The following BRIP1 variants were observed in gnomAD, a reference collection of about 807,000 sequenced individuals.
BRIP1 encodes BRCA1 interacting DNA helicase 1.
Under a neutral mutation model 119.7 loss-of-function variants are expected in BRIP1, and 88 were observed. The observed-to-expected ratio is 0.74, with a 90% confidence interval of 0.62 to 0.88. The LOEUF (loss-of-function observed/expected upper bound fraction) is 0.88, where lower values mean the gene tolerates loss of function less well. Among genes scored for constraint, BRIP1 ranks in the 40% least tolerant of loss-of-function variants. The probability of loss-of-function intolerance (pLI) is 0.00; values close to 1 mark genes in which losing one functional copy is unlikely to be tolerated. For synonymous variants in BRIP1, 443 were observed against 496.5 expected (o/e 0.89, Z 1.43); for missense variants, 1,259 against 1,455.4 (o/e 0.87, Z 2.20).
Position 61,689,570 on chromosome 17 carries a change from C to T in BRIP1, c.2576-3405G>A, listed in dbSNP as rs1260182147. ...GGGGGAGGAAAATGACATCCAAATA[C>T]ATGAAGCCCAGTGAACCTGAACAGG... On this transcript the variant is annotated intron_variant, in intron 18 of 19. Coordinates refer to ENST00000259008, the MANE Select transcript of BRIP1 (RefSeq NM_032043.3). The surrounding 1 kb of genome is among the most constrained non-coding windows in gnomAD (Gnocchi z 4.5). Among the ~76,000 whole-genome samples the T allele has an allele frequency of 6.6e-6, 1 of 152,086 alleles. No homozygotes were observed. The highest frequency in any genetic ancestry group is 1.5e-5 in the Non-Finnish European group (1 of 68,006).
In BRIP1 at chr17:61,693,420, G is replaced by A. The variant is rs1060504322; in HGVS notation, c.2575+10C>T. On this transcript the variant is annotated intron_variant, in intron 18 of 19. Coordinates refer to ENST00000259008, the MANE Select transcript of BRIP1 (RefSeq NM_032043.3). This position sits in a 1 kb window ranked among gnomAD's most constrained non-coding sequence, Gnocchi z 4.2. ...ACTAGTTTTTACTCTAAGCCCAGCT[G>A]AGATCTTACCAGATATATAGCGACT... 6.2e-7 allele frequency: 1 copy of A among 1,606,746 alleles called. No individual in the cohort carries two copies. The highest frequency in any genetic ancestry group is 8.5e-7 in the Non-Finnish European group (1 of 1,173,344).
chr17:61,747,197 A>G (rs2077069167), intron 14 of BRIP1, among the ~76,000 whole-genome samples: 1 of 152,170 alleles, frequency 6.6e-6, no homozygotes, highest in South Asian at 2.1e-4. Context: ...TACTAAGAGG[A>G]AAGTTTATAG....
rs1479811114 is a variant in BRIP1 at position 61,758,245 on chromosome 17, C to T, written c.2098-13654G>A. Among the ~76,000 whole-genome samples the T allele has an allele frequency of 2.0e-5, 3 of 152,162 alleles. No homozygotes were observed. Among genetic ancestry groups the T allele is most frequent in the African/African-American group, 7.2e-5 (3 of 41,448 alleles). On this transcript the variant is annotated intron_variant, in intron 14 of 19. Transcript: ENST00000259008. This position sits in a 1 kb window ranked among gnomAD's most constrained non-coding sequence, Gnocchi z 5.3. ...AAATCTGAATGTATAAACTTATTCA[C>T]ACAAATTCAACTATATGTTTCATTC...
Position 61,687,127 on chromosome 17 carries a change from C to T in BRIP1, c.2576-962G>A, listed in dbSNP as rs1295730745. On this transcript the variant is annotated intron_variant, in intron 18 of 19. Transcript: ENST00000259008. This position sits in a 1 kb window ranked among gnomAD's most constrained non-coding sequence, Gnocchi z 5.1. ...TGGTGGCTCACATGTATAATCCCAG[C>T]ATTTGGGGAGGCTGAGGTGGGAAGA... 6.6e-6 allele frequency among the ~76,000 whole-genome samples: 1 copy of T among 152,002 alleles called. No homozygotes were observed. The highest frequency in any genetic ancestry group is 1.5e-5 in the Non-Finnish European group (1 of 68,004).
Position 61,746,767 on chromosome 17 carries a change from A to G in BRIP1, c.2098-2176T>C, listed in dbSNP as rs1008963744. On this transcript the variant is annotated intron_variant, in intron 14 of 19. Transcript: ENST00000259008. This position sits in a 1 kb window ranked among gnomAD's most constrained non-coding sequence, Gnocchi z 4.9. ...TAGGAAAGTCATATATCTAACCTTC[A>G]GTAATGAATAAAACATCCAAACAGA... Among the ~76,000 whole-genome samples, 1 of 152,150 alleles carries G rather than the reference A, an allele frequency of 6.6e-6. No homozygotes were observed. Among genetic ancestry groups the G allele is most frequent in the Non-Finnish European group, 1.5e-5 (1 of 67,984 alleles).
intron 6 of BRIP1, among the ~76,000 whole-genome samples, chr17:61,817,798 C>G (rs988749326): frequency 6.6e-6 from 1 of 152,106 alleles, no homozygotes; most frequent in East Asian, 1.9e-4. Flanking sequence ...GTGAGAAATT[C>G]TCTTCGTAAA....
At chr17:61,833,670 C>CA (rs34789764) in intron 6 of BRIP1, among the ~76,000 whole-genome samples, 16,839 of 120,984 alleles carry the variant, frequency 0.14, 1,367 homozygotes, top group Middle Eastern at 0.31. Flanking sequence ...GACTCCACCT[C>CA]AAAAAAAAAA....
rs2077594670 is a variant in BRIP1 at position 61,780,284 on chromosome 17, T to C, written c.1912A>G (p.Asn638Asp). Residue 638 changes from asparagine to aspartate, a missense_variant, in exon 13 of 20, where the codon AAT (asparagine) becomes GAT (aspartate). Physicochemically the swap from Asn to Asp is conservative, Grantham distance 23. Around this residue, in one of 3 missense-constraint regions of BRIP1, gnomAD observed 753 missense variants for 891.8 expected, o/e 0.84. Transcript: ENST00000259008. The surrounding 1 kb of genome is among the most constrained non-coding windows in gnomAD (Gnocchi z 5.4). Reference sequence around the variant, plus strand: ...ACCTGTGAATTTTTAATGATATGATTAGCCTCCAGCTGGATAGTAAATGTA... The same window carrying C: ...ACCTGTGAATTTTTAATGATATGATCAGCCTCCAGCTGGATAGTAAATGTA... Reference protein sequence around the residue: ...GVTFTIQLEANHIIKNSQVWV... With the variant: ...GVTFTIQLEADHIIKNSQVWV... 1.2e-6 allele frequency: 2 copies of C among 1,613,478 alleles called. No homozygotes were observed. The highest frequency in any genetic ancestry group is 2.2e-5 in the South Asian group (2 of 90,994).
Position 61,730,378 on chromosome 17 carries a change from G to T in BRIP1, c.2379+12635C>A, listed in dbSNP as rs142011095. 6.6e-6 allele frequency among the ~76,000 whole-genome samples: 1 copy of T among 152,136 alleles called. No homozygotes were observed. The highest frequency in any genetic ancestry group is 2.4e-5 in the African/African-American group (1 of 41,532). On this transcript the variant is annotated intron_variant, in intron 16 of 19. Coordinates refer to ENST00000259008, the MANE Select transcript of BRIP1 (RefSeq NM_032043.3). The surrounding 1 kb of genome is among the most constrained non-coding windows in gnomAD (Gnocchi z 4.3). ...TTCACAACTAAAATTCTCCTCAAAAGAAAAAAATTAGTTATTTTCAGAGAA... is the reference window on the plus strand; with the variant it reads ...TTCACAACTAAAATTCTCCTCAAAATAAAAAAATTAGTTATTTTCAGAGAA...
Position 61,744,625 on chromosome 17 carries a change from G to A in BRIP1, c.2098-34C>T, listed in dbSNP as rs753160906. 4 of 1,586,352 alleles carry A rather than the reference G, an allele frequency of 2.5e-6. No homozygotes were observed. The highest frequency in any genetic ancestry group is 2.2e-5 in the East Asian group (1 of 44,646). ...GGGAAAGAAAAAAATGATTTTTTGT[G>A]TGTCTAGCTAAACAAACTTAACTTC... On this transcript the variant is annotated intron_variant, in intron 14 of 19. Coordinates refer to ENST00000259008, the MANE Select transcript of BRIP1 (RefSeq NM_032043.3). This position sits in a 1 kb window ranked among gnomAD's most constrained non-coding sequence, Gnocchi z 5.0.
At chr17:61,859,183 T>C (rs187567023) in intron 3 of BRIP1, among the ~76,000 whole-genome samples, 12 of 152,156 alleles carry the variant, frequency 7.9e-5, no homozygotes, top group African/African-American at 2.9e-4. Context: ...TTTTTATATA[T>C]TCCATGTGCT....
chr17:61,807,640 C>A lies in BRIP1; in HGVS notation c.918+827G>T, dbSNP rs527665554. ...TAGCTCACAGTTTTTTGTGTAGAAC[C>A]AACTCTAATAAGATACTAGTGAAAA... On this transcript the variant is annotated intron_variant, in intron 7 of 19. Transcript: ENST00000259008. This position sits in a 1 kb window ranked among gnomAD's most constrained non-coding sequence, Gnocchi z 4.5. 1.1e-4 allele frequency among the ~76,000 whole-genome samples: 17 copies of A among 151,506 alleles called. No homozygotes were observed. In the East Asian group the frequency reaches 3.3e-3, roughly 30 times the overall value.
chr17:61,680,700 C>T lies in BRIP1; in HGVS notation c.*2596G>A, dbSNP rs536083868. ...TTCACCGTGTTAACCAGGATGGTCT[C>T]GATCTCCTGACCTCGTGATCCGCCC... On this transcript the variant is annotated 3_prime_UTR_variant, in exon 20 of 20. Transcript: ENST00000259008. Among the ~76,000 whole-genome samples, 5 of 151,982 alleles carry T rather than the reference C, an allele frequency of 3.3e-5. No individual in the cohort carries two copies. Among genetic ancestry groups the T allele is most frequent in the Admixed American group, 6.5e-5 (1 of 15,274 alleles).
Position 61,861,646 on chromosome 17 carries a change from A to G in BRIP1, c.-30-77T>C. On this transcript the variant is annotated intron_variant, in intron 1 of 19. Coordinates refer to ENST00000259008, the MANE Select transcript of BRIP1 (RefSeq NM_032043.3). This position sits in a 1 kb window ranked among gnomAD's most constrained non-coding sequence, Gnocchi z 4.5. ...CCAGAGAACCAAAACTAAGGGAGAAATCTGGAAACAGAAACTGGAATTAAT... is the reference window on the plus strand; with the variant it reads ...CCAGAGAACCAAAACTAAGGGAGAAGTCTGGAAACAGAAACTGGAATTAAT... The G allele has an allele frequency of 1.3e-6, 1 of 776,278 alleles. No individual in the cohort carries two copies. The highest frequency in any genetic ancestry group is 2.3e-6 in the Non-Finnish European group (1 of 443,258). The allele number at this position is 776,278 out of a possible 1,614,324, so 48.1% of individuals were successfully genotyped here.
chr17:61,842,812 T>C lies in BRIP1; in HGVS notation c.627+4289A>G, dbSNP rs1417648460. On this transcript the variant is annotated intron_variant, in intron 6 of 19. Coordinates refer to ENST00000259008, the MANE Select transcript of BRIP1 (RefSeq NM_032043.3). The surrounding 1 kb of genome is among the most constrained non-coding windows in gnomAD (Gnocchi z 5.1). ...ACTGTATAGATATCAACTTGTTTAA[T>C]CCTCCTAACGGCCCCGTGAGATAGG... Among the ~76,000 whole-genome samples, 1 of 152,184 alleles carries C rather than the reference T, an allele frequency of 6.6e-6. No individual in the cohort carries two copies. Among genetic ancestry groups the C allele is most frequent in the Non-Finnish European group, 1.5e-5 (1 of 68,030 alleles).
At chr17:61,764,256 G>A (rs1252334672) in intron 14 of BRIP1, among the ~76,000 whole-genome samples, 1 of 152,208 alleles carries the variant, frequency 6.6e-6, no homozygotes, top group Non-Finnish European at 1.5e-5. Context: ...GAGAGCTGAT[G>A]TGGAAAAGAG....
intron 11 of BRIP1, among the ~76,000 whole-genome samples, chr17:61,782,507 T>C (rs962816729): frequency 6.6e-6 from 1 of 151,194 alleles, no homozygotes; most frequent in Admixed American, 6.6e-5. Context: ...GAAAGATAAA[T>C]TGGACTTCAA....
rs561051706 is a variant in BRIP1, at chr17:61,780,718, C to T, written c.1794+122G>A. Reference sequence around the variant, plus strand: ...ACTCCAGCCTGGGTGAAGAGCAAGACCCTGCCTCAAAACAACAACAACAAC... The same window carrying T: ...ACTCCAGCCTGGGTGAAGAGCAAGATCCTGCCTCAAAACAACAACAACAAC... On this transcript the variant is annotated intron_variant, in intron 12 of 19. Transcript: ENST00000259008. This position sits in a 1 kb window ranked among gnomAD's most constrained non-coding sequence, Gnocchi z 5.4. 2 of 1,221,176 alleles carry T rather than the reference C, an allele frequency of 1.6e-6. No homozygotes were observed. The highest frequency in any genetic ancestry group is 2.4e-6 in the Non-Finnish European group (2 of 836,738). The allele number at this position is 1,221,176 out of a possible 1,614,324, so 75.6% of individuals were successfully genotyped here.
chr17:61,721,125 A>G (rs1490934863), intron 16 of BRIP1, among the ~76,000 whole-genome samples: 3 of 152,126 alleles, frequency 2.0e-5, no homozygotes, highest in Non-Finnish European at 4.4e-5. Flanking sequence ...TACAGGCGTG[A>G]GCCACTGTGC....
Sources: allele counts gnomAD v4.1 joint callset (sites outside exome capture counted in the v4.1 genomes callset), GRCh38; gene constraint gnomAD v4.1.1; regional missense constraint gnomAD v4.1.1; non-coding constraint Gnocchi (gnomAD v3.1); transcripts MANE v1.5; gene names NCBI Gene and HGNC (gene_info 2026-07-23, HGNC 2026-07-21).